Variants in GLT1D1 observed in about 807,000 individuals in gnomAD.
GLT1D1 encodes glycosyltransferase 1 domain-containing protein 1.
GLT1D1 carries 21 observed loss-of-function variants against 28.7 expected under a neutral mutation model. The ratio of observed to expected loss-of-function variants is 0.73; its 90% CI spans 0.52 to 1.05. The LOEUF is 1.05. Among genes scored for constraint, GLT1D1 ranks in the 50% least tolerant of loss-of-function variants. The pLI is 0.00. For missense variants in GLT1D1, 343 were observed against 330.6 expected, an observed-to-expected ratio of 1.04 and a Z score of -0.29; for synonymous variants, 147 against 124.8, an observed-to-expected ratio of 1.18 and a Z score of -1.19.
intron 1 of GLT1D1, among the ~76,000 whole-genome samples, chr12:128,859,846 A>G (rs1395338838): frequency 1.3e-5 from 2 of 151,300 alleles, no homozygotes; most frequent in Non-Finnish European, 3.0e-5. Flanking sequence ...AAATACTGGG[A>G]AAAAAAGACA....
At position 128,945,135 on chromosome 12, in the gene GLT1D1, C is replaced by T. The variant is rs765456983; in HGVS notation, c.376-191C>T. Reference sequence around the variant, plus strand: ...GCTCGAAGTATTGAGTGATACGCGACGACACAGTGCCCTTGCCCGAGCCGG... The same window carrying T: ...GCTCGAAGTATTGAGTGATACGCGATGACACAGTGCCCTTGCCCGAGCCGG... On this transcript the variant is annotated intron_variant, in intron 4 of 7. Coordinates refer to ENST00000281703, the MANE Select transcript of GLT1D1 (RefSeq NM_144669.3). 1.7e-4 allele frequency: 127 copies of T among 733,854 alleles called. 1 individual carries two copies. Among genetic ancestry groups the T allele is most frequent in the Admixed American group, 2.2e-4 (11 of 48,956 alleles). The allele number at this position is 733,854 out of a possible 1,614,324, so 45.5% of individuals were successfully genotyped here.
chr12:128,931,092 C>T (rs1873820636), intron 4 of GLT1D1, among the ~76,000 whole-genome samples: 1 of 151,692 alleles, frequency 6.6e-6, no homozygotes, highest in African/African-American at 2.4e-5. Flanking sequence ...ACCTCCGCCT[C>T]ATGGGTTCAA....
chr12:128,941,889 GTCTCTC>G (rs1270735525), intron 4 of GLT1D1, among the ~76,000 whole-genome samples: 2 of 138,334 alleles, frequency 1.4e-5, no homozygotes, highest in Non-Finnish European at 3.0e-5. Context: ...ACCGTGCCTG[GTCTCTC>G]TCTCTCTCTC....
At chr12:128,945,511 C>A in intron 5 of GLT1D1, 142 bp downstream of exon 9, 1 of 742,568 alleles carries the variant, frequency 1.3e-6, no homozygotes, top group Non-Finnish European at 2.4e-6. Flanking sequence ...CCGGCGAGCC[C>A]GTGGCATCCT....
intron 7 of GLT1D1, among the ~76,000 whole-genome samples, chr12:128,973,669 CCTT>C (rs1879458883): frequency 1.3e-5 from 2 of 152,152 alleles, no homozygotes; most frequent in East Asian, 3.9e-4. Flanking sequence ...CTGCCTCTCA[CCTT>C]CTTCTTTCCT....
intron 4 of GLT1D1, among the ~76,000 whole-genome samples, chr12:128,931,012 T>A (rs985030196): frequency 9.9e-5 from 15 of 151,592 alleles, no homozygotes; most frequent in African/African-American, 3.6e-4. Context: ...TTTTTTTTTT[T>A]TTAAAATGAG....
chr12:128,968,949 C>T (rs1018151189), intron 7 of GLT1D1, among the ~76,000 whole-genome samples: 7 of 152,104 alleles, frequency 4.6e-5, no homozygotes, highest in Non-Finnish European at 8.8e-5. Context: ...CCTCACTCGG[C>T]CCCGTCTTTC....
chr12:128,900,866 C>T (rs948435529), intron 4 of GLT1D1, among the ~76,000 whole-genome samples: 1 of 152,096 alleles, frequency 6.6e-6, no homozygotes, highest in African/African-American at 2.4e-5. Context: ...AAATGCCTGA[C>T]CTCAAGTGAT....
intron 4 of GLT1D1, among the ~76,000 whole-genome samples, chr12:128,902,187 G>A: frequency 6.6e-6 from 1 of 151,306 alleles, no homozygotes; most frequent in East Asian, 1.9e-4. Context: ...TAATATAACT[G>A]AGTATGAAAA....
At position 128,879,463 on chromosome 12, in the gene GLT1D1, TTTTG is replaced by T. The variant is rs1426974144; in HGVS notation, c.217+3402_217+3405del. ...CTTTCTTTCTTTCTTTCTTTCTTTT[TTTTG>T]GGGGGGTGGGCAGAGTCTCACTCTG... On this transcript the variant is annotated intron_variant, in intron 2 of 7. Coordinates refer to ENST00000281703, the MANE Select transcript of GLT1D1 (RefSeq NM_144669.3). Among the ~76,000 whole-genome samples, 150 of 137,646 alleles carry T rather than the reference TTTTG, an allele frequency of 1.1e-3. 9 individuals are homozygous for T. Among genetic ancestry groups the T allele is most frequent in the Non-Finnish European group, 1.1e-3 (71 of 65,094 alleles). 90.3% of individuals were successfully genotyped at this position (137,646 alleles called of 152,430 possible).
At chr12:128,964,849 G>A (rs1878305233) in intron 7 of GLT1D1, among the ~76,000 whole-genome samples, 1 of 152,196 alleles carries the variant, frequency 6.6e-6, no homozygotes, top group African/African-American at 2.4e-5. Flanking sequence ...AGATTCCCCA[G>A]GCAGGGAAAG....
At position 128,861,191 on chromosome 12, in the gene GLT1D1, A is replaced by T. The variant is rs770983561; in HGVS notation, c.68+7542A>T. Among the ~76,000 whole-genome samples the T allele has an allele frequency of 9.0e-4, 137 of 152,312 alleles. 1 individual carries two copies. The highest frequency in any genetic ancestry group is 1.7e-3 in the Non-Finnish European group (115 of 68,018). On this transcript the variant is annotated intron_variant, in intron 1 of 7. Coordinates refer to ENST00000281703, the MANE Select transcript of GLT1D1 (RefSeq NM_144669.3). ...CGGGGTGAAACGCAGCCTCCCTGCC[A>T]GTTTTGTAAATAAAGTTGTAGTGGC...
intron 3 of GLT1D1, among the ~76,000 whole-genome samples, chr12:128,893,164 G>A (rs898203548): frequency 1.3e-5 from 2 of 152,178 alleles, no homozygotes; most frequent in Non-Finnish European, 2.9e-5. Context: ...AGAATCGCTT[G>A]AACCTGAGAG....
rs143131448 is a variant in GLT1D1, at chr12:128,941,659, G to T, written c.376-3667G>T. On this transcript the variant is annotated intron_variant, in intron 4 of 7. Transcript: ENST00000281703. ...GTCATCTCGGCTCACTGCAACCTCCGCACCCCGGGTTCAAGCGATTCTTCC... is the reference window on the plus strand; with the variant it reads ...GTCATCTCGGCTCACTGCAACCTCCTCACCCCGGGTTCAAGCGATTCTTCC... 2.1e-3 allele frequency among the ~76,000 whole-genome samples: 277 copies of T among 134,354 alleles called. 1 individual carries two copies. The highest frequency in any genetic ancestry group is 7.6e-3 in the African/African-American group (269 of 35,454). 88.1% of individuals were successfully genotyped at this position (134,354 alleles called of 152,430 possible).
At position 128,881,545 on chromosome 12, in the gene GLT1D1, AAAAAAAAAAAAAAAAAAT is replaced by A. The variant is rs1301405713; in HGVS notation, c.217+5485_217+5502del. ...TGAGACTCTGTATCGAAAAAAAAAA[AAAAAAAAAAAAAAAAAAT>A]ATATATATATATATATATATATATA... On this transcript the variant is annotated intron_variant, in intron 2 of 7. Coordinates refer to ENST00000281703, the MANE Select transcript of GLT1D1 (RefSeq NM_144669.3). 1.9e-3 allele frequency among the ~76,000 whole-genome samples: 141 copies of A among 74,342 alleles called. 1 individual carries two copies. The highest frequency in any genetic ancestry group is 7.6e-3 in the African/African-American group (126 of 16,668). 48.8% of individuals were successfully genotyped at this position (74,342 alleles called of 152,430 possible). A position where few individuals can be genotyped will look rare whatever the true frequency, so the allele number is the denominator to read the frequency against.
At chr12:128,863,414 C>A (rs1419056283) in intron 1 of GLT1D1, among the ~76,000 whole-genome samples, 1 of 152,082 alleles carries the variant, frequency 6.6e-6, no homozygotes, top group Non-Finnish European at 1.5e-5. Context: ...CTCTTGTTGC[C>A]CAGGCTGGAG....
At chr12:128,975,148 G>C (rs561074225) in intron 7 of GLT1D1, among the ~76,000 whole-genome samples, 7 of 152,298 alleles carry the variant, frequency 4.6e-5, no homozygotes, top group Admixed American at 2.0e-4. Context: ...CTCAGGCATT[G>C]TCCCGGCAAA....
At chr12:128,934,489 C>G (rs182112971) in intron 4 of GLT1D1, among the ~76,000 whole-genome samples, 2 of 152,274 alleles carry the variant, frequency 1.3e-5, no homozygotes, top group African/African-American at 4.8e-5. Context: ...CCACTGCGCC[C>G]GGCCAGCTCA....
chr12:128,873,826 T>A (rs1042857897), intron 1 of GLT1D1, among the ~76,000 whole-genome samples: 4 of 148,010 alleles, frequency 2.7e-5, no homozygotes, highest in African/African-American at 1.0e-4. Flanking sequence ...TTTCTTTCTT[T>A]CCCCCTTCCT....
Sources: allele counts gnomAD v4.1 joint callset (sites outside exome capture counted in the v4.1 genomes callset), GRCh38; gene constraint gnomAD v4.1.1; transcripts MANE v1.5; gene names NCBI Gene and HGNC (gene_info 2026-07-23, HGNC 2026-07-21).